NOP58: variants seen among roughly 807,000 people sequenced by gnomAD.
NOP58 encodes the protein NOP58 ribonucleoprotein, also known as nucleolar protein 58.
Under a neutral mutation model 71.2 loss-of-function variants are expected in NOP58, and 44 were observed. The observed-to-expected ratio is 0.62, with a 90% CI of 0.49 to 0.79. The LOEUF (loss-of-function observed/expected upper bound fraction) is 0.79. NOP58 is among the 30% of genes least tolerant of loss of function. The pLI is 0.00. For missense variants in NOP58, 538 were observed against 620.2 expected (o/e 0.87, Z 1.41); for synonymous variants, 228 against 200.3 (o/e 1.14, Z -1.17).
intron 9 of NOP58, among the ~76,000 whole-genome samples, chr2:202,294,486 C>T (rs994887743): frequency 1.3e-4 from 20 of 152,020 alleles, no homozygotes; most frequent in African/African-American, 4.6e-4. Flanking sequence ...TAACAATAGT[C>T]CCCAGCTATT....
In NOP58 at chr2:202,292,774, T is replaced by G. The variant is rs1290455460; in HGVS notation, c.781-3T>G. ...TGTGACTTAACTTTATTCCTTATAC[T>G]AGGTGATTGAAATCTCTGAATATCG... On this transcript the variant is annotated splice_region_variant and splice_polypyrimidine_tract_variant and intron_variant, in intron 8 of 14. Coordinates refer to ENST00000264279, the MANE Select transcript of NOP58 (RefSeq NM_015934.5). 1 of 1,607,192 alleles carries G rather than the reference T, an allele frequency of 6.2e-7. No individual in the cohort carries two copies. Among genetic ancestry groups the G allele is most frequent in the East Asian group, 2.2e-5 (1 of 44,876 alleles).
At chr2:202,267,698 G>A (rs1688441222) in intron 1 of NOP58, among the ~76,000 whole-genome samples, 1 of 152,164 alleles carries the variant, frequency 6.6e-6, no homozygotes. Flanking sequence ...GATGTGAAGA[G>A]GAGCAACTCT....
intron 8 of NOP58, among the ~76,000 whole-genome samples, chr2:202,292,008 A>G (rs1158338550): frequency 4.5e-5 from 2 of 44,674 alleles, no homozygotes; most frequent in South Asian, 2.3e-3. Context: ...TTTTTTTGAG[A>G]CAGAGTCTCA....
At chr2:202,291,968 C>CTTT (rs869075798) in intron 8 of NOP58, among the ~76,000 whole-genome samples, 668 of 43,942 alleles carry the variant, frequency 0.015, 257 homozygotes, top group East Asian at 0.024. Context: ...TGCTCAGAAT[C>CTTT]TTTTTTTTTT....
chr2:202,278,843 G>T (rs957103960), intron 3 of NOP58, among the ~76,000 whole-genome samples: 1 of 152,128 alleles, frequency 6.6e-6, no homozygotes, highest in African/African-American at 2.4e-5. Context: ...TACAGTTTTT[G>T]TCTGAAAATT....
chr2:202,294,347 A>AAG (rs1688954249), intron 9 of NOP58, among the ~76,000 whole-genome samples: 1 of 151,880 alleles, frequency 6.6e-6, no homozygotes, highest in Non-Finnish European at 1.5e-5. Flanking sequence ...AAAAAAAAAA[A>AAG]AAAAAAAAGA....
intron 3 of NOP58, among the ~76,000 whole-genome samples, chr2:202,279,737 T>C (rs1688669883): frequency 6.6e-6 from 1 of 152,204 alleles, no homozygotes; most frequent in Non-Finnish European, 1.5e-5. Context: ...GAGATAGCAC[T>C]GAGCCAAGAT....
chr2:202,294,371 T>TA (rs1287518238), intron 9 of NOP58, among the ~76,000 whole-genome samples: 1 of 151,848 alleles, frequency 6.6e-6, no homozygotes, highest in Non-Finnish European at 1.5e-5. Flanking sequence ...ATGTATTTGT[T>TA]ACACTTTTAA....
At chr2:202,289,113 C>T (rs1393229561) in intron 6 of NOP58, among the ~76,000 whole-genome samples, 3 of 151,720 alleles carry the variant, frequency 2.0e-5, no homozygotes, top group Non-Finnish European at 4.4e-5. Context: ...GAGTTAGACT[C>T]TGTCTCCAAA....
chr2:202,301,368 A>G (rs182398769), intron 13 of NOP58, among the ~76,000 whole-genome samples: 24 of 152,066 alleles, frequency 1.6e-4, no homozygotes, highest in African/African-American at 5.5e-4. Context: ...TATTTTTAGT[A>G]GAGACAGGGT....
At chr2:202,279,044 T>G (rs1177437059) in intron 3 of NOP58, among the ~76,000 whole-genome samples, 1 of 152,202 alleles carries the variant, frequency 6.6e-6, no homozygotes, top group Non-Finnish European at 1.5e-5. Context: ...ACTTGGAGAA[T>G]TTTTAAAAAG....
chr2:202,290,330 A>G lies in NOP58; in HGVS notation c.507A>G (p.Leu169=). Reference sequence around the variant, plus strand: ...GTTTTTAATCTACTACAGCCTTGTTAGATGACTTGGATAAAGAACTAAACA... The same window carrying G: ...GTTTTTAATCTACTACAGCCTTGTTGGATGACTTGGATAAAGAACTAAACA... ...DTMIVQAISL[L]DDLDKELNNY... The change falls in exon 7 of 15, where the codon TTA becomes TTG. Residue 169 remains leucine (L), a synonymous_variant. Transcript: ENST00000264279. The G allele has an allele frequency of 6.2e-7, 1 of 1,601,578 alleles. No individual in the cohort carries two copies. The highest frequency in any genetic ancestry group is 1.1e-5 in the South Asian group (1 of 89,030).
At chr2:202,297,545 A>G in intron 11 of NOP58, 32 bp downstream of exon 11, 2 of 1,592,880 alleles carry the variant, frequency 1.3e-6, no homozygotes, top group Non-Finnish European at 1.7e-6. Flanking sequence ...TTCCAGAAGT[A>G]TTACTTGTCA....
intron 1 of NOP58, 84 bp downstream of exon 1, chr2:202,266,070 C>A: frequency 6.7e-7 from 1 of 1,494,494 alleles, no homozygotes; most frequent in South Asian, 1.1e-5. Context: ...CGGAACTACT[C>A]AGAGTAGCGT....
chr2:202,275,937 G>A (rs1688583114), intron 2 of NOP58, among the ~76,000 whole-genome samples: 1 of 152,150 alleles, frequency 6.6e-6, no homozygotes, highest in South Asian at 2.1e-4. Context: ...ACAAAGTGCT[G>A]GGAGTACAGG....
At chr2:202,303,105 C>T in intron 14 of NOP58, 48 bp downstream of exon 14, 1 of 1,560,196 alleles carries the variant, frequency 6.4e-7, no homozygotes. Context: ...GGCCAGTTCT[C>T]TATATTTCAA....
Position 202,300,657 on chromosome 2 carries a change from T to C in NOP58, c.1402+290T>C, listed in dbSNP as rs529110675. ...GGAGAATTAAGAGAAAAAAGGAACG[T>C]GTTTTCTAAATTGGTTGTTGAAAAT... is the stretch of plus-strand genomic sequence containing the variant. On this transcript the variant is annotated intron_variant, in intron 13 of 14. Coordinates refer to ENST00000264279, the MANE Select transcript of NOP58 (RefSeq NM_015934.5). Among the ~76,000 whole-genome samples the C allele has an allele frequency of 3.9e-5, 6 of 152,346 alleles. No homozygotes were observed. In the South Asian group the frequency reaches 1.0e-3, roughly 26 times the overall value.
intron 1 of NOP58, 28 bp from the exon 2 acceptor site, chr2:202,275,085 A>G: frequency 8.5e-7 from 1 of 1,180,046 alleles, no homozygotes; most frequent in Non-Finnish European, 1.2e-6. Flanking sequence ...TACCATTTAA[A>G]TAAAACTATT....
At chr2:202,273,103 C>A (rs1052910569) in intron 1 of NOP58, among the ~76,000 whole-genome samples, 1 of 151,736 alleles carries the variant, frequency 6.6e-6, no homozygotes, top group Non-Finnish European at 1.5e-5. Context: ...CCAGCCTGGG[C>A]GACAGAGCGA....
Sources: gnomAD v4.1 joint callset for allele counts (sites outside exome capture counted in the v4.1 genomes callset) on GRCh38, gnomAD v4.1.1 for gene constraint, MANE v1.5 for transcripts, NCBI Gene and HGNC (gene_info 2026-07-23, HGNC 2026-07-21) for gene names.